Variants in UTRN observed in about 807,000 individuals in gnomAD.
The protein encoded by UTRN is dystrophin-related protein 1.
UTRN carries 283 observed loss-of-function variants against 463.9 expected under a neutral mutation model. The observed-to-expected ratio is 0.61, with a 90% CI of 0.55 to 0.67. UTRN has a LOEUF of 0.67. Ranked by LOEUF, UTRN falls within the 30% of genes least tolerant of loss-of-function variation. The probability of loss-of-function intolerance (pLI) is 0.00; values close to 1 mark genes in which losing one functional copy is unlikely to be tolerated. For synonymous variants in UTRN, 1,442 were observed against 1,431.5 expected (o/e 1.01, Z -0.17); for missense variants, 3,922 against 4,084.3 (o/e 0.96, Z 1.08).
intron 34 of UTRN, among the ~76,000 whole-genome samples, chr6:144,501,993 C>G (rs1794229971): frequency 6.6e-6 from 1 of 151,920 alleles, no homozygotes. Context: ...CCAAATTGGT[C>G]TTTTAATTTG....
intron 3 of UTRN, among the ~76,000 whole-genome samples, chr6:144,415,748 A>T (rs1478677194): frequency 6.6e-6 from 1 of 152,160 alleles, no homozygotes; most frequent in Non-Finnish European, 1.5e-5. Context: ...TTAAAATTGG[A>T]ATTATTCTGG....
intron 51 of UTRN, among the ~76,000 whole-genome samples, chr6:144,581,587 G>A (rs910500164): frequency 3.3e-5 from 5 of 152,184 alleles, no homozygotes; most frequent in African/African-American, 4.8e-5. Context: ...CCAGCTGCAT[G>A]CTTAGCACTG....
chr6:144,289,874 G>C (rs995591682), intron 1 of UTRN, among the ~76,000 whole-genome samples: 3 of 151,066 alleles, frequency 2.0e-5, no homozygotes, highest in African/African-American at 7.3e-5. Context: ...GGCTGGTCTC[G>C]AACTCCTGAA....
chr6:144,323,844 T>C lies in UTRN; in HGVS notation c.79+31937T>C, dbSNP rs36007040. ...ATTTTATGAATATGCTGGAAAATCT[T>C]ACCTTTATTAGCTTGAGAAGTTTTC... is the stretch of plus-strand genomic sequence containing the variant. On this transcript the variant is annotated intron_variant, in intron 2 of 74. Coordinates refer to ENST00000367545, the MANE Select transcript of UTRN (RefSeq NM_007124.3). Among the ~76,000 whole-genome samples the C allele has an allele frequency of 8.7e-3, 1,323 of 152,372 alleles. 90 individuals are homozygous for C. In the East Asian group the frequency reaches 0.17, roughly 20 times the overall value.
intron 53 of UTRN, among the ~76,000 whole-genome samples, chr6:144,723,338 T>G (rs1484979704): frequency 6.6e-6 from 1 of 152,196 alleles, no homozygotes; most frequent in Non-Finnish European, 1.5e-5. Flanking sequence ...ACAGATTGGG[T>G]GACTTTGTTA....
At position 144,490,205 on chromosome 6, in the gene UTRN, G is replaced by C. The variant is rs532831509; in HGVS notation, c.4263+6G>C. 4.4e-5 allele frequency: 70 copies of C among 1,591,626 alleles called. 1 individual carries two copies. The highest frequency in any genetic ancestry group is 3.0e-4 in the South Asian group (26 of 86,992). The stretch of plus-strand genomic sequence containing the variant: ...GTCAGATGGATGTGCTACAGGTAAA[G>C]AAGGCCAGGAGCTTCCTTTTACTTT... On this transcript the variant is annotated splice_donor_region_variant and intron_variant, in intron 31 of 74. Transcript: ENST00000367545.
chr6:144,655,671 G>A (rs945411721), intron 51 of UTRN, among the ~76,000 whole-genome samples: 12 of 152,184 alleles, frequency 7.9e-5, no homozygotes, highest in African/African-American at 2.9e-4. Context: ...CCAATATAAA[G>A]AGAAACCTGT....
At chr6:144,428,331 T>G (rs1785482588) in intron 7 of UTRN, among the ~76,000 whole-genome samples, 1 of 152,144 alleles carries the variant, frequency 6.6e-6, no homozygotes, top group African/African-American at 2.4e-5. Context: ...ATTGAAGAAT[T>G]TAGTCCATTA....
chr6:144,404,932 A>C (rs1450738236), intron 3 of UTRN, among the ~76,000 whole-genome samples: 1 of 152,244 alleles, frequency 6.6e-6, no homozygotes, highest in Non-Finnish European at 1.5e-5. Flanking sequence ...TTGTGCATTT[A>C]TAATGTCTAT....
intron 51 of UTRN, among the ~76,000 whole-genome samples, chr6:144,606,648 G>T (rs1804877622): frequency 6.6e-6 from 1 of 152,088 alleles, no homozygotes; most frequent in South Asian, 2.1e-4. Flanking sequence ...TAGAAATATA[G>T]TATCCAACAC....
At chr6:144,732,859 C>T (rs1463092141) in intron 54 of UTRN, among the ~76,000 whole-genome samples, 1 of 152,058 alleles carries the variant, frequency 6.6e-6, no homozygotes, top group Admixed American at 6.6e-5. Flanking sequence ...GAGACTACCA[C>T]AGACTATCTT....
chr6:144,455,167 A>G lies in UTRN; in HGVS notation c.2284+1298A>G, dbSNP rs142691977. On this transcript the variant is annotated intron_variant, in intron 19 of 74. Transcript: ENST00000367545. The stretch of plus-strand genomic sequence containing the variant: ...GGAATGTATACCATGTGGACAGTGT[A>G]TGTCCATTTATTTTGAAATTATGCA... 1.4e-4 allele frequency among the ~76,000 whole-genome samples: 22 copies of G among 152,326 alleles called. No individual in the cohort carries two copies. The East Asian group carries it at 4.0e-3, about 28-fold the overall frequency.
At chr6:144,718,357 C>T (rs1415855105) in intron 53 of UTRN, among the ~76,000 whole-genome samples, 1 of 152,116 alleles carries the variant, frequency 6.6e-6, no homozygotes, top group East Asian at 1.9e-4. Context: ...TGTAGTTTAG[C>T]TACTTAAGAG....
intron 66 of UTRN, among the ~76,000 whole-genome samples, chr6:144,824,773 T>TGG (rs1206634626): frequency 1.3e-4 from 14 of 105,862 alleles, no homozygotes; most frequent in Admixed American, 2.6e-4. Context: ...AAGTTGGTGG[T>TGG]GGGGGGGGGT....
At chr6:144,396,459 T>C (rs1782426112) in intron 2 of UTRN, among the ~76,000 whole-genome samples, 1 of 152,212 alleles carries the variant, frequency 6.6e-6, no homozygotes, top group African/African-American at 2.4e-5. Context: ...GTTATGGTTG[T>C]ATAACACTGT....
intron 72 of UTRN, among the ~76,000 whole-genome samples, chr6:144,839,794 C>T (rs772174565): frequency 2.0e-5 from 3 of 152,172 alleles, no homozygotes; most frequent in Non-Finnish European, 4.4e-5. Flanking sequence ...GGACCTGTCA[C>T]TGATGCTAGG....
chr6:144,819,307 A>G (rs758757236), intron 65 of UTRN, among the ~76,000 whole-genome samples: 4 of 152,230 alleles, frequency 2.6e-5, no homozygotes, highest in Non-Finnish European at 4.4e-5. Flanking sequence ...ACATGTTTTG[A>G]TAGAAGGGGA....
intron 51 of UTRN, among the ~76,000 whole-genome samples, chr6:144,650,007 T>TAA (rs142728031): frequency 2.0e-5 from 3 of 151,864 alleles, no homozygotes; most frequent in African/African-American, 4.8e-5. Context: ...GTAATTTATT[T>TAA]AAAAAAAAGA....
At chr6:144,487,191 C>T (rs1792545311) in intron 28 of UTRN, among the ~76,000 whole-genome samples, 1 of 151,410 alleles carries the variant, frequency 6.6e-6, no homozygotes, top group Non-Finnish European at 1.5e-5. Context: ...TGTTTAGAGA[C>T]ATAGTCTCGC....
Sources: gnomAD v4.1 joint callset for allele counts (sites outside exome capture counted in the v4.1 genomes callset) on GRCh38, gnomAD v4.1.1 for gene constraint, MANE v1.5 for transcripts, NCBI Gene and HGNC (gene_info 2026-07-23, HGNC 2026-07-21) for gene names.